Variants in THSD4 observed in about 807,000 individuals in gnomAD.
THSD4 encodes the protein thrombospondin type-1 domain-containing protein 4.
THSD4 carries 69 observed loss-of-function variants against 119.0 expected under a neutral mutation model. That is an observed-to-expected ratio of 0.58 (90% confidence interval 0.48 to 0.71). The LOEUF (loss-of-function observed/expected upper bound fraction) is 0.71, where lower values mean the gene tolerates loss of function less well. Among genes scored for constraint, THSD4 ranks in the 30% least tolerant of loss-of-function variants. The probability of loss-of-function intolerance (pLI) is 0.00; values close to 1 mark genes in which losing one functional copy is unlikely to be tolerated. For synonymous variants in THSD4, 524 were observed against 540.4 expected, an observed-to-expected ratio of 0.97 and a Z score of 0.42; for missense variants, 1,393 against 1,391.1, an observed-to-expected ratio of 1.00 and a Z score of -0.02.
At chr15:71,366,558 C>T (rs960212631) in intron 6 of THSD4, among the ~76,000 whole-genome samples, 3 of 152,148 alleles carry the variant, frequency 2.0e-5, no homozygotes, top group East Asian at 1.9e-4. Flanking sequence ...ACACATGTTG[C>T]ATTTTCCTCT....
At chr15:71,129,937 G>T (rs1002099658) in intron 1 of THSD4, among the ~76,000 whole-genome samples, 1 of 152,168 alleles carries the variant, frequency 6.6e-6, no homozygotes, top group Non-Finnish European at 1.5e-5. Flanking sequence ...CTGATTTATG[G>T]TGGCCGAGGC....
intron 7 of THSD4, among the ~76,000 whole-genome samples, chr15:71,497,293 A>T (rs1357153457): frequency 6.6e-6 from 1 of 152,158 alleles, no homozygotes; most frequent in African/African-American, 2.4e-5. Flanking sequence ...CAGGCAGATC[A>T]CTTGAGGTCA....
chr15:71,679,612 G>T (rs1457112472), intron 8 of THSD4, among the ~76,000 whole-genome samples: 1 of 152,230 alleles, frequency 6.6e-6, no homozygotes, highest in Non-Finnish European at 1.5e-5. Flanking sequence ...AGAATGTGAG[G>T]CATGTTCTGG....
At position 71,715,353 on chromosome 15, in the gene THSD4, T is replaced by C. The variant is rs73430261; in HGVS notation, c.1358-13196T>C. Among the ~76,000 whole-genome samples the C allele has an allele frequency of 7.1e-3, 1,081 of 152,354 alleles. 16 individuals are homozygous for C. Among genetic ancestry groups the C allele is most frequent in the African/African-American group, 0.024 (1,004 of 41,582 alleles). On this transcript the variant is annotated intron_variant, in intron 8 of 17. Transcript: ENST00000261862. ...GACAGTGCCTTGTTGGTTACAACTC[T>C]GAATGGATCATTTGAAATTCCCCTC...
intron 7 of THSD4, among the ~76,000 whole-genome samples, chr15:71,632,167 G>A (rs1046927222): frequency 1.3e-5 from 2 of 152,162 alleles, no homozygotes; most frequent in Non-Finnish European, 2.9e-5. Flanking sequence ...CTTGTTATTT[G>A]GCCCAACATT....
At position 71,699,947 on chromosome 15, in the gene THSD4, T is replaced by C. The variant is rs7166468; in HGVS notation, c.1358-28602T>C. Among the ~76,000 whole-genome samples the C allele has an allele frequency of 9.6e-3, 1,469 of 152,246 alleles. 30 individuals carry two copies. Among genetic ancestry groups the C allele is most frequent in the African/African-American group, 0.033 (1,383 of 41,546 alleles). On this transcript the variant is annotated intron_variant, in intron 8 of 17. Coordinates refer to ENST00000261862, the MANE Select transcript of THSD4 (RefSeq NM_024817.3). The stretch of plus-strand genomic sequence containing the variant: ...ATCTGTACAAATTAATAAAAAGCTA[T>C]GAATAGAAGTAAAATTCCTTAATTT...
chr15:71,301,761 G>A (rs999366393), intron 6 of THSD4, among the ~76,000 whole-genome samples: 4 of 152,106 alleles, frequency 2.6e-5, no homozygotes, highest in African/African-American at 9.7e-5. Flanking sequence ...GCAGAGTTTC[G>A]AAGTTGAGTG....
At chr15:71,741,151 C>T (rs2053226316) in intron 11 of THSD4, among the ~76,000 whole-genome samples, 1 of 152,068 alleles carries the variant, frequency 6.6e-6, no homozygotes, top group Admixed American at 6.6e-5. Context: ...TGCCTTTTCC[C>T]ATGTTCTGTC....
chr15:71,461,432 G>T (rs2047426837), intron 7 of THSD4, among the ~76,000 whole-genome samples: 1 of 152,184 alleles, frequency 6.6e-6, no homozygotes, highest in Non-Finnish European at 1.5e-5. Context: ...GTGTGTGAGG[G>T]ACTTATAGAA....
chr15:71,481,961 C>G (rs1214229939), intron 7 of THSD4, among the ~76,000 whole-genome samples: 1 of 152,172 alleles, frequency 6.6e-6, no homozygotes, highest in Non-Finnish European at 1.5e-5. Context: ...TTGCTCAGAG[C>G]CATAAGTGCC....
chr15:71,532,088 A>C (rs1211599329), intron 7 of THSD4, among the ~76,000 whole-genome samples: 5 of 148,578 alleles, frequency 3.4e-5, no homozygotes, highest in African/African-American at 1.2e-4. Context: ...AGGAGTAAGT[A>C]AGGTTACACT....
intron 7 of THSD4, among the ~76,000 whole-genome samples, chr15:71,460,950 C>T (rs1012708490): frequency 2.0e-5 from 3 of 152,172 alleles, no homozygotes; most frequent in South Asian, 2.1e-4. Flanking sequence ...TTAACCCCCC[C>T]ATATTCATTA....
intron 6 of THSD4, among the ~76,000 whole-genome samples, chr15:71,368,759 G>T (rs1211345581): frequency 6.6e-6 from 1 of 152,078 alleles, no homozygotes; most frequent in Non-Finnish European, 1.5e-5. Flanking sequence ...GATTGTCTTG[G>T]CTATGTGCGC....
At chr15:71,518,731 G>A (rs1216794078) in intron 7 of THSD4, among the ~76,000 whole-genome samples, 3 of 152,096 alleles carry the variant, frequency 2.0e-5, no homozygotes, top group Non-Finnish European at 4.4e-5. Flanking sequence ...TTTCTCAAAG[G>A]CAACACAGTC....
intron 6 of THSD4, among the ~76,000 whole-genome samples, chr15:71,265,636 G>A (rs912010846): frequency 6.6e-6 from 1 of 152,116 alleles, no homozygotes; most frequent in African/African-American, 2.4e-5. Flanking sequence ...GGGGGCTGAA[G>A]CCAGGGAGCC....
At chr15:71,644,218 G>A (rs1314361685) in intron 7 of THSD4, among the ~76,000 whole-genome samples, 1 of 152,172 alleles carries the variant, frequency 6.6e-6, no homozygotes, top group Non-Finnish European at 1.5e-5. Context: ...TCTGTTCTAA[G>A]AGTCTATGAT....
At chr15:71,416,701 A>T (rs2046762630) in intron 7 of THSD4, among the ~76,000 whole-genome samples, 1 of 79,834 alleles carries the variant, frequency 1.3e-5, no homozygotes, top group Non-Finnish European at 2.6e-5. Context: ...GTTTCATTTT[A>T]TTTTATTTTA....
chr15:71,605,035 G>A (rs1225629249), intron 7 of THSD4, among the ~76,000 whole-genome samples: 4 of 151,964 alleles, frequency 2.6e-5, no homozygotes, highest in Non-Finnish European at 5.9e-5. Context: ...GAGGTAAGGT[G>A]GTTGCCATGT....
At chr15:71,510,729 C>A (rs1157471081) in intron 7 of THSD4, among the ~76,000 whole-genome samples, 1 of 152,218 alleles carries the variant, frequency 6.6e-6, no homozygotes, top group African/African-American at 2.4e-5. Context: ...GACCTTAACT[C>A]ACCTGTAGTC....
Sources: allele counts gnomAD v4.1 joint callset (sites outside exome capture counted in the v4.1 genomes callset), GRCh38; gene constraint gnomAD v4.1.1; transcripts MANE v1.5; gene names NCBI Gene and HGNC (gene_info 2026-07-23, HGNC 2026-07-21).